Variants in FAM171B observed in about 807,000 individuals in gnomAD.
The protein encoded by FAM171B is family with sequence similarity 171 member B.
A neutral mutation model predicts 75.6 loss-of-function variants in FAM171B; 19 were observed. The observed-to-expected ratio is 0.25, with a 90% CI of 0.18 to 0.37. The LOEUF is 0.37. FAM171B is among the 10% of genes least tolerant of loss of function. The pLI, the probability that FAM171B is intolerant of heterozygous loss-of-function variation, is 1.00. For synonymous variants in FAM171B, 367 were observed against 361.7 expected (o/e 1.01, Z -0.17); for missense variants, 848 against 982.4 (o/e 0.86, Z 1.83).
chr2:186,760,042 T>C (rs1273148074), intron 6 of FAM171B, among the ~76,000 whole-genome samples: 1 of 152,162 alleles, frequency 6.6e-6, no homozygotes, highest in Admixed American at 6.6e-5. Flanking sequence ...TTGAAGAGAC[T>C]GTCCTTTCCC....
chr2:186,729,277 T>C (rs1238011143), intron 1 of FAM171B, among the ~76,000 whole-genome samples: 1 of 152,136 alleles, frequency 6.6e-6, no homozygotes, highest in African/African-American at 2.4e-5. Flanking sequence ...GATGATTATG[T>C]GGGCAAGACA....
intron 6 of FAM171B, among the ~76,000 whole-genome samples, chr2:186,757,779 C>T (rs1690554248): frequency 6.6e-6 from 1 of 152,120 alleles, no homozygotes; most frequent in African/African-American, 2.4e-5. Context: ...CTTGCTACTG[C>T]CATACATATA....
At chr2:186,702,524 T>A (rs189076132) in intron 1 of FAM171B, among the ~76,000 whole-genome samples, 17 of 152,348 alleles carry the variant, frequency 1.1e-4, no homozygotes, top group Non-Finnish European at 1.9e-4. Context: ...CATATCAGAT[T>A]CTGTGCCATT....
chr2:186,764,693 A>G lies in FAM171B; in HGVS notation c.*1870A>G, dbSNP rs1690674797. On this transcript the variant is annotated 3_prime_UTR_variant, in exon 8 of 8. Coordinates refer to ENST00000304698, the MANE Select transcript of FAM171B (RefSeq NM_177454.4). ...ATTTTCTTTCAGTTAACCAAATTAAACAGATGTGCAGTTTTATTAAAAATA... is the reference window on the plus strand; with the variant it reads ...ATTTTCTTTCAGTTAACCAAATTAAGCAGATGTGCAGTTTTATTAAAAATA... 6.6e-6 allele frequency: 1 copy of G among 151,670 alleles called. No homozygotes were observed. The highest frequency in any genetic ancestry group is 1.5e-5 in the Non-Finnish European group (1 of 67,786). The allele number at this position is 151,670 out of a possible 1,614,324, so 9.4% of individuals were successfully genotyped here. A position where few individuals can be genotyped will look rare whatever the true frequency, so the allele number is the denominator to read the frequency against.
Position 186,694,243 on chromosome 2 carries a change from C to T in FAM171B, c.70C>T (p.Arg24Trp), listed in dbSNP as rs767108160. ...CCTGGCCGTGGTGCTGCTGAAAGCGCGGCTGGTCCCCGCGGCCGCCAGAGC... is the reference window on the plus strand; with the variant it reads ...CCTGGCCGTGGTGCTGCTGAAAGCGTGGCTGGTCCCCGCGGCCGCCAGAGC... ...LGLAVVLLKARLVPAAARAEL... is the reference protein window; with the variant it reads ...LGLAVVLLKAWLVPAAARAEL... The change falls in exon 1 of 8, where the codon CGG becomes TGG. Residue 24 changes from arginine (R) to tryptophan (W), a missense_variant. Coordinates refer to ENST00000304698, the MANE Select transcript of FAM171B (RefSeq NM_177454.4). 4 of 1,611,358 alleles carry T rather than the reference C, an allele frequency of 2.5e-6. No homozygotes were observed. Among genetic ancestry groups the T allele is most frequent in the Non-Finnish European group, 3.4e-6 (4 of 1,179,746 alleles).
chr2:186,743,611 A>T, intron 3 of FAM171B, 36 bp downstream of exon 3: 1 of 1,355,146 alleles, frequency 7.4e-7, no homozygotes, highest in Non-Finnish European at 1.1e-6. Context: ...AAACACTTAA[A>T]GTTATTGTCG....
chr2:186,694,262 C>A lies in FAM171B; in HGVS notation c.89C>A (p.Ala30Asp). ...LLKARLVPAA[A>D]RAELSRSDLS... ...AAAGCGCGGCTGGTCCCCGCGGCCG[C>A]CAGAGCGGAACTCAGCCGCTCCGAC... The change falls in exon 1 of 8, where the codon GCC becomes GAC. Residue 30 changes from alanine (A) to aspartate (D), a missense_variant. Physicochemically the swap from Ala to Asp is moderately radical, Grantham distance 126. Coordinates refer to ENST00000304698, the MANE Select transcript of FAM171B (RefSeq NM_177454.4). The A allele has an allele frequency of 6.2e-7, 1 of 1,611,504 alleles. No homozygotes were observed. Among genetic ancestry groups the A allele is most frequent in the Non-Finnish European group, 8.5e-7 (1 of 1,179,650 alleles).
intron 1 of FAM171B, among the ~76,000 whole-genome samples, chr2:186,723,454 TTTTTTA>T (rs757086905): frequency 2.0e-5 from 3 of 150,322 alleles, no homozygotes; most frequent in Non-Finnish European, 4.4e-5. Context: ...CTTATGTCTT[TTTTTTA>T]TTATTATTTT....
intron 1 of FAM171B, among the ~76,000 whole-genome samples, chr2:186,737,901 C>T (rs527955952): frequency 1.6e-4 from 25 of 152,320 alleles, no homozygotes; most frequent in Non-Finnish European, 2.6e-4. Flanking sequence ...CAGCTGCCTC[C>T]GTCTGGGTGT....
intron 1 of FAM171B, among the ~76,000 whole-genome samples, chr2:186,724,253 A>C (rs1300300517): frequency 6.6e-6 from 1 of 152,190 alleles, no homozygotes; most frequent in Non-Finnish European, 1.5e-5. Flanking sequence ...TATCTGGAGC[A>C]ACGGGGTATG....
intron 4 of FAM171B, among the ~76,000 whole-genome samples, chr2:186,749,099 A>G (rs1325980467): frequency 2.6e-5 from 4 of 152,218 alleles, no homozygotes; most frequent in African/African-American, 4.8e-5. Flanking sequence ...TCTGTCCAAC[A>G]TGTGGCTGTT....
intron 1 of FAM171B, among the ~76,000 whole-genome samples, chr2:186,699,858 A>G (rs1003510412): frequency 6.6e-6 from 1 of 152,214 alleles, no homozygotes; most frequent in African/African-American, 2.4e-5. Flanking sequence ...CAGTTTTCCC[A>G]GCACTATTTA....
intron 1 of FAM171B, among the ~76,000 whole-genome samples, chr2:186,702,624 G>A (rs1014050668): frequency 6.6e-6 from 1 of 152,156 alleles, no homozygotes; most frequent in Admixed American, 6.5e-5. Flanking sequence ...TATAAGGCCA[G>A]TTTATTTGGG....
chr2:186,765,289 T>G lies in FAM171B; in HGVS notation c.*2466T>G, dbSNP rs1427389247. The G allele has an allele frequency of 1.3e-5, 2 of 152,060 alleles. No individual in the cohort carries two copies. Among genetic ancestry groups the G allele is most frequent in the Non-Finnish European group, 2.9e-5 (2 of 67,948 alleles). 9.4% of individuals were successfully genotyped at this position (152,060 alleles called of 1,614,324 possible). A position where few individuals can be genotyped will look rare whatever the true frequency, so the allele number is the denominator to read the frequency against. The stretch of plus-strand genomic sequence containing the variant: ...CTAGATGATTTTGGTCACAAATTGT[T>G]AACATTTGTCGATCCTTTGTATATA... On this transcript the variant is annotated 3_prime_UTR_variant, in exon 8 of 8. Coordinates refer to ENST00000304698, the MANE Select transcript of FAM171B (RefSeq NM_177454.4).
At chr2:186,734,637 T>A (rs1690170616) in intron 1 of FAM171B, among the ~76,000 whole-genome samples, 1 of 152,146 alleles carries the variant, frequency 6.6e-6, no homozygotes, top group South Asian at 2.1e-4. Flanking sequence ...GATTGGTCCA[T>A]GAGTGGGCCA....
intron 6 of FAM171B, among the ~76,000 whole-genome samples, chr2:186,754,558 A>G (rs1011818865): frequency 1.3e-5 from 2 of 151,994 alleles, no homozygotes; most frequent in Admixed American, 1.3e-4. Flanking sequence ...CCTTTCCAGT[A>G]TTTTCCTTGT....
At chr2:186,735,209 G>T (rs1445057363) in intron 1 of FAM171B, among the ~76,000 whole-genome samples, 3 of 152,174 alleles carry the variant, frequency 2.0e-5, no homozygotes, top group Non-Finnish European at 4.4e-5. Context: ...CCATCAGTTT[G>T]GGGGAAGCAG....
rs116020091 is a variant in FAM171B at position 186,697,320 on chromosome 2, C to T, written c.238+2909C>T. On this transcript the variant is annotated intron_variant, in intron 1 of 7. Coordinates refer to ENST00000304698, the MANE Select transcript of FAM171B (RefSeq NM_177454.4). ...TTTGAGACAGGGTTGAGTGCAGTGG[C>T]GTGATCATGGCTCAAGTCAGTCTCA... 7.8e-3 allele frequency among the ~76,000 whole-genome samples: 1,180 copies of T among 152,112 alleles called. 8 individuals are homozygous for T. Among genetic ancestry groups the T allele is most frequent in the South Asian group, 0.017 (83 of 4,816 alleles).
At position 186,762,181 on chromosome 2, in the gene FAM171B, G is replaced by A; in HGVS notation, c.1839G>A (p.Leu613=). ...TCATACTTGAAGGTCAACAGAGCCT[G>A]CCATCCCAGGCTTCAGATTGGAGCC... ...EDIILEGQQS[L]PSQASDWSRY... Residue 613 remains leucine (L), a synonymous_variant, in exon 8 of 8, where the codon CTG becomes CTA. Coordinates refer to ENST00000304698, the MANE Select transcript of FAM171B (RefSeq NM_177454.4). The surrounding 1 kb of genome is among the most constrained non-coding windows in gnomAD (Gnocchi z 4.0). 4 of 1,613,668 alleles carry A rather than the reference G, an allele frequency of 2.5e-6. No individual in the cohort carries two copies. The highest frequency in any genetic ancestry group is 3.4e-6 in the Non-Finnish European group (4 of 1,179,772).
Sources: allele counts gnomAD v4.1 joint callset (sites outside exome capture counted in the v4.1 genomes callset), GRCh38; gene constraint gnomAD v4.1.1; non-coding constraint Gnocchi (gnomAD v3.1); transcripts MANE v1.5; gene names NCBI Gene and HGNC (gene_info 2026-07-23, HGNC 2026-07-21).